CEP135: variants seen among roughly 807,000 people sequenced by gnomAD.
CEP135 encodes centrosomal protein 135.
A neutral mutation model predicts 157.3 loss-of-function variants in CEP135; 142 were observed. That is an observed-to-expected ratio of 0.90 (90% CI 0.79 to 1.04). The LOEUF is 1.04. Among genes scored for constraint, CEP135 ranks in the 50% least tolerant of loss-of-function variants. The pLI is 0.00. For missense variants in CEP135, 1,317 were observed against 1,309.2 expected, an observed-to-expected ratio of 1.01 and a Z score of -0.09; for synonymous variants, 396 against 439.8, an observed-to-expected ratio of 0.90 and a Z score of 1.25.
At position 55,964,354 on chromosome 4, in the gene CEP135, G is replaced by A; in HGVS notation, c.780G>A (p.Glu260=). ...GGTCCCCTGATGTCCTTTCTCTGGA[G>A]TCTAGAAATAAAACCAATGAAAAGC... The part of the protein sequence containing the change: ...GGRSPDVLSL[E]SRNKTNEKLI... Residue 260 remains glutamate, a synonymous_variant, in exon 7 of 26, where the codon GAG becomes GAA. Coordinates refer to ENST00000257287, the MANE Select transcript of CEP135 (RefSeq NM_025009.5). 6.2e-7 allele frequency: 1 copy of A among 1,612,694 alleles called. No homozygotes were observed. The highest frequency in any genetic ancestry group is 2.2e-5 in the East Asian group (1 of 44,810).
In CEP135 at chr4:55,969,142, A is replaced by C. The variant is rs778961561; in HGVS notation, c.1110+14A>C. On this transcript the variant is annotated intron_variant, in intron 9 of 25. Coordinates refer to ENST00000257287, the MANE Select transcript of CEP135 (RefSeq NM_025009.5). ...AAACTTCAGCTGGTAAGTTGATGTC[A>C]TGTTGAATTGCCAGCATTTTCAGTA... 1.2e-6 allele frequency: 2 copies of C among 1,609,182 alleles called. No homozygotes were observed. Among genetic ancestry groups the C allele is most frequent in the Non-Finnish European group, 1.7e-6 (2 of 1,177,660 alleles).
chr4:56,031,124 C>A (rs1357009287), intron 25 of CEP135, among the ~76,000 whole-genome samples: 1 of 151,652 alleles, frequency 6.6e-6, no homozygotes, highest in Non-Finnish European at 1.5e-5. Context: ...ACGGCAAGAC[C>A]CTATCTCTAA....
chr4:55,961,046 C>G (rs1188435820), intron 6 of CEP135: 1 of 143,584 alleles, frequency 7.0e-6, no homozygotes, highest in Non-Finnish European at 1.5e-5. Flanking sequence ...GCGGAGGTTA[C>G]AGTGACCCGA....
chr4:56,008,457 T>A, intron 18 of CEP135, 75 bp downstream of exon 18: 1 of 1,128,302 alleles, frequency 8.9e-7, no homozygotes, highest in East Asian at 2.5e-5. Context: ...TTCAGTAGCA[T>A]TGCAGCAATA....
At chr4:56,001,578 T>C (rs1730171433) in intron 17 of CEP135, among the ~76,000 whole-genome samples, 1 of 152,140 alleles carries the variant, frequency 6.6e-6, no homozygotes, top group South Asian at 2.1e-4. Flanking sequence ...ATGTGTGGAT[T>C]TATATCTGGG....
At chr4:55,953,331 G>A in intron 3 of CEP135, 56 bp downstream of exon 3, 1 of 1,276,200 alleles carries the variant, frequency 7.8e-7, no homozygotes, top group Non-Finnish European at 1.1e-6. Flanking sequence ...TTTTATTTTA[G>A]AAGGAAAAGC....
At chr4:56,022,033 A>G (rs951578213) in intron 24 of CEP135, among the ~76,000 whole-genome samples, 1 of 152,182 alleles carries the variant, frequency 6.6e-6, no homozygotes, top group Non-Finnish European at 1.5e-5. Flanking sequence ...GTCTCAAAAA[A>G]CAAACAAACC....
At chr4:55,988,967 A>G (rs1218022417) in intron 14 of CEP135, among the ~76,000 whole-genome samples, 5 of 131,828 alleles carry the variant, frequency 3.8e-5, no homozygotes, top group Admixed American at 2.9e-4. Flanking sequence ...CTCCGTCTCG[A>G]AAAAAAAAAA....
intron 15 of CEP135, among the ~76,000 whole-genome samples, chr4:55,994,765 A>C (rs2109706474): frequency 6.7e-6 from 1 of 148,740 alleles, no homozygotes; most frequent in South Asian, 2.1e-4. Flanking sequence ...GGCTCACTGC[A>C]ACCTCTACCT....
chr4:55,958,126 T>C (rs1728560866), intron 5 of CEP135, among the ~76,000 whole-genome samples: 1 of 152,142 alleles, frequency 6.6e-6, no homozygotes, highest in African/African-American at 2.4e-5. Flanking sequence ...TTAATCTCAA[T>C]AGATAAAGCT....
At chr4:56,027,371 A>G (rs2109755645) in intron 25 of CEP135, among the ~76,000 whole-genome samples, 1 of 152,266 alleles carries the variant, frequency 6.6e-6, no homozygotes, top group South Asian at 2.1e-4. Context: ...TTGTTAACAG[A>G]TTGTCTAAGA....
At position 55,971,513 on chromosome 4, in the gene CEP135, T is replaced by C. The variant is rs1729027444; in HGVS notation, c.1249+105T>C. 5.3e-6 allele frequency: 6 copies of C among 1,128,120 alleles called. No individual in the cohort carries two copies. In the Admixed American group the frequency reaches 8.8e-5, roughly 17 times the overall value. The allele number at this position is 1,128,120 out of a possible 1,614,324, so 69.9% of individuals were successfully genotyped here. A position where few individuals can be genotyped will look rare whatever the true frequency, so the allele number is the denominator to read the frequency against. ...CATTCATTCATTCAATAAATATTTG[T>C]TGAGTGCTTACCATTAGTCAAAAAC... On this transcript the variant is annotated intron_variant, in intron 10 of 25. Coordinates refer to ENST00000257287, the MANE Select transcript of CEP135 (RefSeq NM_025009.5).
intron 12 of CEP135, among the ~76,000 whole-genome samples, chr4:55,980,899 G>A (rs975998211): frequency 6.6e-6 from 1 of 152,006 alleles, no homozygotes; most frequent in Non-Finnish European, 1.5e-5. Context: ...TGAGTTTTTT[G>A]GGGGGAATTC....
At chr4:55,954,194 T>C (rs759544942) in intron 3 of CEP135, 22 bp from the exon 4 acceptor site, 1 of 1,554,040 alleles carries the variant, frequency 6.4e-7, no homozygotes, top group South Asian at 1.2e-5. Flanking sequence ...TAAAACGGTC[T>C]TTGAATCTTT....
chr4:55,978,073 T>G (rs2109679791), intron 11 of CEP135, among the ~76,000 whole-genome samples: 1 of 152,308 alleles, frequency 6.6e-6, no homozygotes, highest in South Asian at 2.1e-4. Context: ...AGGGCGTTAT[T>G]CACAATTATA....
chr4:55,957,380 C>A lies in CEP135; in HGVS notation c.614+16C>A, dbSNP rs752703938. The stretch of plus-strand genomic sequence containing the variant: ...CTGATAACAGGTGCATTAAATAATT[C>A]TTTCTTGGCTTGAGTTAATTGAGCA... On this transcript the variant is annotated intron_variant, in intron 5 of 25. Transcript: ENST00000257287. 2.5e-6 allele frequency: 4 copies of A among 1,603,242 alleles called. No homozygotes were observed. In the African/African-American group the frequency reaches 4.0e-5, roughly 16 times the overall value.
At chr4:55,952,285 C>T in intron 2 of CEP135, 42 bp downstream of exon 2, 1 of 1,100,562 alleles carries the variant, frequency 9.1e-7, no homozygotes, top group African/African-American at 1.6e-5. Context: ...TGATCCCTAA[C>T]CACTTACCTC....
At chr4:55,959,246 TAC>T (rs1728603007) in intron 5 of CEP135, among the ~76,000 whole-genome samples, 1 of 152,204 alleles carries the variant, frequency 6.6e-6, no homozygotes, top group South Asian at 2.1e-4. Flanking sequence ...TTGCTGTAGT[TAC>T]ATATGATCTT....
intron 17 of CEP135, among the ~76,000 whole-genome samples, chr4:56,002,385 T>A (rs1325660529): frequency 2.0e-5 from 3 of 152,056 alleles, no homozygotes; most frequent in African/African-American, 7.2e-5. Context: ...GGGTTAGGCC[T>A]CTGTTATTTT....
Sources: gnomAD v4.1 joint callset for allele counts (sites outside exome capture counted in the v4.1 genomes callset) on GRCh38, gnomAD v4.1.1 for gene constraint, MANE v1.5 for transcripts, NCBI Gene and HGNC (gene_info 2026-07-23, HGNC 2026-07-21) for gene names.